Variants in IL17RD observed in about 807,000 individuals in gnomAD.
IL17RD encodes the protein interleukin-17 receptor D.
IL17RD carries 52 observed loss-of-function variants against 80.5 expected under a neutral mutation model. The observed-to-expected ratio is 0.65, with a 90% CI of 0.52 to 0.81. IL17RD has a LOEUF of 0.81. Among genes scored for constraint, IL17RD ranks in the 40% least tolerant of loss-of-function variants. The probability of loss-of-function intolerance (pLI) is 0.00; values close to 1 mark genes in which losing one functional copy is unlikely to be tolerated. For synonymous variants in IL17RD, 416 were observed against 391.8 expected, an observed-to-expected ratio of 1.06 and a Z score of -0.73; for missense variants, 1,024 against 955.1, an observed-to-expected ratio of 1.07 and a Z score of -0.95.
chr3:57,109,740 C>A (rs539529116), intron 4 of IL17RD, 83 bp from the exon 5 acceptor site: 41 of 1,381,234 alleles, frequency 3.0e-5, no homozygotes, highest in African/African-American at 2.6e-4. Flanking sequence ...CCTACCCCAA[C>A]TGCCACCCAG....
chr3:57,129,247 C>T (rs141817037), intron 1 of IL17RD, among the ~76,000 whole-genome samples: 6 of 152,248 alleles, frequency 3.9e-5, no homozygotes, highest in Admixed American at 3.3e-4. Context: ...CCCAGCAAAT[C>T]GGCTACTGAC....
At chr3:57,125,228 A>G (rs1388219749) in intron 1 of IL17RD, among the ~76,000 whole-genome samples, 1 of 152,100 alleles carries the variant, frequency 6.6e-6, no homozygotes, top group Non-Finnish European at 1.5e-5. Context: ...CCAACATGGT[A>G]AAACCCCGCC....
chr3:57,097,903 G>A lies in IL17RD; in HGVS notation c.1800C>T (p.Asp600=). The change falls in exon 12 of 13, where the codon GAC becomes GAT. Residue 600 remains aspartate (D), a synonymous_variant. Coordinates refer to ENST00000296318, the MANE Select transcript of IL17RD (RefSeq NM_017563.5). ...CAGCCGCCTCTACCTTTAGGCAGAA[G>A]TCACTCTCAGGCCCTGGTTTGCACA... The part of the protein sequence containing the change: ...DVMCKPGPES[D]FCLKVEAAVL... 1.9e-6 allele frequency: 3 copies of A among 1,614,056 alleles called. No homozygotes were observed. Among genetic ancestry groups the A allele is most frequent in the Non-Finnish European group, 2.5e-6 (3 of 1,179,904 alleles).
chr3:57,105,118 G>C (rs559727466), intron 7 of IL17RD, among the ~76,000 whole-genome samples: 36 of 152,238 alleles, frequency 2.4e-4, no homozygotes, highest in Non-Finnish European at 4.3e-4. Flanking sequence ...TGACATCCCT[G>C]AGCCTCAGCT....
intron 1 of IL17RD, among the ~76,000 whole-genome samples, chr3:57,162,023 T>G (rs2060308530): frequency 6.6e-6 from 1 of 152,210 alleles, no homozygotes; most frequent in Non-Finnish European, 1.5e-5. Context: ...GCCTCTTAAT[T>G]GCCCCACTAA....
chr3:57,134,627 T>G (rs1707682985), intron 1 of IL17RD: 8 of 838,018 alleles, frequency 9.5e-6, no homozygotes, highest in Non-Finnish European at 1.7e-5. Context: ...CCCGCAGGTC[T>G]AAGACCAAGG....
chr3:57,165,360 T>TGGCCGCGGCGGCCGCGGC (rs1302497939), upstream of IL17RD: 2 of 1,158,990 alleles, frequency 1.7e-6, no homozygotes, highest in African/African-American at 3.3e-5. Flanking sequence ...GAGTGGGCGG[T>TGGCCGCGGCGGCCGCGGC]GGCCGCGGCG....
chr3:57,105,552 A>AAAAAAATATATATAT, intron 7 of IL17RD, among the ~76,000 whole-genome samples: 3 of 63,590 alleles, frequency 4.7e-5, no homozygotes, highest in Non-Finnish European at 8.4e-5. Context: ...AAAAAAAAAA[A>AAAAAAATATATATAT]ATATATATAT....
At chr3:57,163,236 C>T (rs1157964306) in intron 1 of IL17RD, among the ~76,000 whole-genome samples, 4 of 152,096 alleles carry the variant, frequency 2.6e-5, no homozygotes, top group Admixed American at 2.6e-4. Flanking sequence ...ATGAGGATGA[C>T]CCAAGGAAAC....
chr3:57,133,141 C>T (rs2107517172), intron 1 of IL17RD, among the ~76,000 whole-genome samples: 2 of 152,312 alleles, frequency 1.3e-5, no homozygotes, highest in East Asian at 3.9e-4. Context: ...CCAAGTCCCC[C>T]ACAAGTTTAT....
chr3:57,117,444 A>T (rs930970872), intron 2 of IL17RD, among the ~76,000 whole-genome samples: 1 of 152,240 alleles, frequency 6.6e-6, no homozygotes, highest in Non-Finnish European at 1.5e-5. Flanking sequence ...AGAAAATTTA[A>T]TATAACCTAC....
chr3:57,156,400 C>T (rs990128400), intron 1 of IL17RD, among the ~76,000 whole-genome samples: 1 of 152,000 alleles, frequency 6.6e-6, no homozygotes, highest in Non-Finnish European at 1.5e-5. Flanking sequence ...CCCATCTCTA[C>T]AAAAAATGTA....
intron 1 of IL17RD, among the ~76,000 whole-genome samples, chr3:57,136,365 G>A (rs989648930): frequency 7.2e-5 from 11 of 152,196 alleles, no homozygotes; most frequent in African/African-American, 2.7e-4. Flanking sequence ...AGGGATGGTG[G>A]CTCCCACCTG....
At position 57,165,232 on chromosome 3, in the gene IL17RD, T is replaced by C; in HGVS notation, c.55A>G (p.Asn19Asp). The C allele has an allele frequency of 6.5e-7, 1 of 1,531,148 alleles. No individual in the cohort carries two copies. Among genetic ancestry groups the C allele is most frequent in the Non-Finnish European group, 8.8e-7 (1 of 1,139,256 alleles). 94.8% of individuals were successfully genotyped at this position (1,531,148 alleles called of 1,614,324 possible). The change falls in exon 1 of 13, where the codon AAC becomes GAC. Residue 19 changes from asparagine (N) to aspartate (D), a missense_variant. Physicochemically the swap from Asn to Asp is conservative, Grantham distance 23. Coordinates refer to ENST00000296318, the MANE Select transcript of IL17RD (RefSeq NM_017563.5). Reference sequence around the variant, plus strand: ...GCGGCCACAGCCAGCTGCGAGCCGTTGAGGCAGGCGTTGACCGTAAAGAAG... The same window carrying C: ...GCGGCCACAGCCAGCTGCGAGCCGTCGAGGCAGGCGTTGACCGTAAAGAAG... ...SVFFTVNACLNGSQLAVAAGG... is the reference protein window; with the variant it reads ...SVFFTVNACLDGSQLAVAAGG...
At chr3:57,130,266 A>C (rs1707577410) in intron 1 of IL17RD, among the ~76,000 whole-genome samples, 1 of 152,208 alleles carries the variant, frequency 6.6e-6, no homozygotes, top group Non-Finnish European at 1.5e-5. Flanking sequence ...GTCCAAAGCC[A>C]TGTTTAGACA....
At chr3:57,109,202 G>A (rs940524010) in intron 5 of IL17RD, among the ~76,000 whole-genome samples, 8 of 152,128 alleles carry the variant, frequency 5.3e-5, no homozygotes, top group Admixed American at 3.9e-4. Context: ...AGGCTAGAGT[G>A]CAGTGGCCCA....
Position 57,102,498 on chromosome 3 carries a change from C to T in IL17RD, c.960G>A (p.Met320Ile), listed in dbSNP as rs369110209. The change falls in exon 10 of 13, where the codon ATG (methionine) becomes ATA (isoleucine). Residue 320 changes from methionine to isoleucine, a missense_variant. By Grantham distance (10) the Met-to-Ile change is conservative. Coordinates refer to ENST00000296318, the MANE Select transcript of IL17RD (RefSeq NM_017563.5). ...AGATACCTTGTTGCTTCTTGCGGCACATCACAGTGAAGAGCGTCGCGAATG... is the reference window on the plus strand; with the variant it reads ...AGATACCTTGTTGCTTCTTGCGGCATATCACAGTGAAGAGCGTCGCGAATG... ...ISAFATLFTV[M>I]CRKKQQENIY... The T allele has an allele frequency of 1.3e-4, 197 of 1,564,126 alleles. No individual in the cohort carries two copies. Among genetic ancestry groups the T allele is most frequent in the Non-Finnish European group, 1.7e-4 (193 of 1,142,868 alleles).
At chr3:57,117,334 G>A (rs1579279707) in intron 2 of IL17RD, among the ~76,000 whole-genome samples, 1 of 152,046 alleles carries the variant, frequency 6.6e-6, no homozygotes, top group African/African-American at 2.4e-5. Flanking sequence ...GGTTGGTCTC[G>A]AACTCCTGAC....
rs539092133 is a variant in IL17RD at position 57,095,314 on chromosome 3, C to T, written c.*1079G>A. The T allele has an allele frequency of 3.3e-5, 5 of 152,298 alleles. No individual in the cohort carries two copies. The South Asian group carries it at 1.0e-3, about 32-fold the overall frequency. The allele number at this position is 152,298 out of a possible 1,614,324, so 9.4% of individuals were successfully genotyped here. Reference sequence around the variant, plus strand: ...TGTTTTTTCTTTAGAAATAGAAACTCTGTAGAAAGTCATTCATAAAAATGG... The same window carrying T: ...TGTTTTTTCTTTAGAAATAGAAACTTTGTAGAAAGTCATTCATAAAAATGG... On this transcript the variant is annotated 3_prime_UTR_variant, in exon 13 of 13. Coordinates refer to ENST00000296318, the MANE Select transcript of IL17RD (RefSeq NM_017563.5).
Sources: allele counts gnomAD v4.1 joint callset (sites outside exome capture counted in the v4.1 genomes callset), GRCh38; gene constraint gnomAD v4.1.1; transcripts MANE v1.5; gene names NCBI Gene and HGNC (gene_info 2026-07-23, HGNC 2026-07-21).